GLIPR1L1: variants seen among roughly 807,000 people sequenced by gnomAD.
The protein encoded by GLIPR1L1 is GLIPR1 like 1, also known as GLIPR1-like protein 1.
GLIPR1L1 carries 26 observed loss-of-function variants against 29.9 expected under a neutral mutation model. That is an observed-to-expected ratio of 0.87 (90% CI 0.64 to 1.21). The LOEUF (loss-of-function observed/expected upper bound fraction) is 1.21, where lower values mean the gene tolerates loss of function less well. Ranked by LOEUF, GLIPR1L1 falls within the 50% of genes most tolerant of loss-of-function variation. The probability of loss-of-function intolerance (pLI) is 0.00; values close to 1 mark genes in which losing one functional copy is unlikely to be tolerated. For missense variants in GLIPR1L1, 305 were observed against 290.3 expected, an observed-to-expected ratio of 1.05 and a Z score of -0.37; for synonymous variants, 77 against 97.5, an observed-to-expected ratio of 0.79 and a Z score of 1.24.
intron 3 of GLIPR1L1, among the ~76,000 whole-genome samples, chr12:75,351,389 T>C (rs376342072): frequency 6.6e-6 from 1 of 152,100 alleles, no homozygotes; most frequent in African/African-American, 2.4e-5. Flanking sequence ...AATCATCAGA[T>C]TCTCCAAGGT....
rs1224070709 is a variant in GLIPR1L1 at position 75,369,954 on chromosome 12, C to T, written c.611-6C>T. 7.1e-6 allele frequency: 8 copies of T among 1,121,194 alleles called. No individual in the cohort carries two copies. In the Admixed American group the frequency reaches 1.3e-4, roughly 18 times the overall value. 69.5% of individuals were successfully genotyped at this position (1,121,194 alleles called of 1,614,324 possible). A position where few individuals can be genotyped will look rare whatever the true frequency, so the allele number is the denominator to read the frequency against. On this transcript the variant is annotated splice_polypyrimidine_tract_variant and splice_region_variant and intron_variant, in intron 4 of 5. Coordinates refer to ENST00000378695, the MANE Select transcript of GLIPR1L1 (RefSeq NM_001304964.2). ...TTTATAATATTAACTTTAATTTTTACTTTAGGGACTCCACAACTTATTATA... is the reference window on the plus strand; with the variant it reads ...TTTATAATATTAACTTTAATTTTTATTTTAGGGACTCCACAACTTATTATA...
At chr12:75,368,795 C>T (rs61932933) in intron 4 of GLIPR1L1, among the ~76,000 whole-genome samples, 4,601 of 151,872 alleles carry the variant, frequency 0.03, 144 homozygotes, top group African/African-American at 0.079. Context: ...GTTTAGTAGA[C>T]ATTCTCTATA....
At chr12:75,349,907 C>A (rs1246198022) in intron 3 of GLIPR1L1, among the ~76,000 whole-genome samples, 1 of 152,202 alleles carries the variant, frequency 6.6e-6, no homozygotes, top group East Asian at 1.9e-4. Context: ...AGCTGCAATA[C>A]AACTTTTAGT....
intron 3 of GLIPR1L1, among the ~76,000 whole-genome samples, chr12:75,356,017 C>T (rs1014940911): frequency 6.6e-6 from 1 of 152,060 alleles, no homozygotes; most frequent in African/African-American, 2.4e-5. Flanking sequence ...GCAAAAATAG[C>T]TAACGCATGC....
At chr12:75,354,487 C>G (rs1329957426) in intron 3 of GLIPR1L1, among the ~76,000 whole-genome samples, 1 of 151,978 alleles carries the variant, frequency 6.6e-6, no homozygotes, top group Non-Finnish European at 1.5e-5. Flanking sequence ...AGAGAAGGCA[C>G]AAACAAATGA....
At chr12:75,358,119 TA>T (rs1477548437) in intron 3 of GLIPR1L1, among the ~76,000 whole-genome samples, 4 of 151,414 alleles carry the variant, frequency 2.6e-5, no homozygotes, top group Non-Finnish European at 5.9e-5. Flanking sequence ...CAAAAAAAGA[TA>T]AAAATAATAT....
chr12:75,365,927 G>A (rs1448864260), intron 4 of GLIPR1L1, among the ~76,000 whole-genome samples: 1 of 151,888 alleles, frequency 6.6e-6, no homozygotes, highest in South Asian at 2.1e-4. Flanking sequence ...TTCTGTTTTG[G>A]GCTGGCTTTA....
intron 4 of GLIPR1L1, 47 bp from the exon 5 acceptor site, chr12:75,369,913 T>G: frequency 7.8e-7 from 1 of 1,285,064 alleles, no homozygotes; most frequent in Non-Finnish European, 1.0e-6. Context: ...AAATATGTTT[T>G]CTTGTTTTAT....
chr12:75,359,357 CTTTTTTTTTTT>C (rs61616225), intron 3 of GLIPR1L1, among the ~76,000 whole-genome samples: 2 of 28,600 alleles, frequency 7.0e-5, no homozygotes, highest in East Asian at 8.3e-4. Context: ...GCATTGTTGT[CTTTTTTTTTTT>C]TTTTTTTTTT....
chr12:75,340,041 G>GAA (rs2041997846), intron 1 of GLIPR1L1, among the ~76,000 whole-genome samples: 1 of 151,734 alleles, frequency 6.6e-6, no homozygotes, highest in Non-Finnish European at 1.5e-5. Context: ...TTAGAATAAT[G>GAA]GTCTCCAACT....
chr12:75,341,611 G>C (rs908073284), intron 1 of GLIPR1L1, among the ~76,000 whole-genome samples: 1 of 151,548 alleles, frequency 6.6e-6, no homozygotes, highest in Non-Finnish European at 1.5e-5. Context: ...CACGCCCGCA[G>C]AATTTTTTGT....
At chr12:75,369,603 A>T (rs2044223210) in intron 4 of GLIPR1L1, 1 of 984,702 alleles carries the variant, frequency 1.0e-6, no homozygotes, top group Non-Finnish European at 1.2e-6. Flanking sequence ...ATTGTTAATG[A>T]GTTCTGCATA....
intron 3 of GLIPR1L1, chr12:75,361,126 T>C (rs2043557009): frequency 6.6e-6 from 1 of 152,098 alleles, no homozygotes; most frequent in African/African-American, 2.4e-5. Context: ...GGAAAGTACC[T>C]CTTTGTGGCT....
chr12:75,368,269 T>C (rs1465001605), intron 4 of GLIPR1L1, among the ~76,000 whole-genome samples: 1 of 151,450 alleles, frequency 6.6e-6, no homozygotes, highest in East Asian at 1.9e-4. Context: ...ATTTTTTGCA[T>C]TTATTTTTAG....
intron 3 of GLIPR1L1, among the ~76,000 whole-genome samples, chr12:75,354,175 G>GA (rs1356722902): frequency 1.4e-5 from 2 of 139,086 alleles, no homozygotes; most frequent in Non-Finnish European, 3.1e-5. Flanking sequence ...AAGGGGGGGG[G>GA]GTATTCAAAT....
intron 4 of GLIPR1L1, chr12:75,369,666 T>C (rs2044228150): frequency 4.1e-6 from 4 of 984,820 alleles, no homozygotes; most frequent in Non-Finnish European, 4.8e-6. Context: ...GAATTGGGAA[T>C]GAAAGAGTGG....
At chr12:75,365,772 C>T (rs1566009693) in intron 4 of GLIPR1L1, among the ~76,000 whole-genome samples, 2 of 151,972 alleles carry the variant, frequency 1.3e-5, no homozygotes, top group African/African-American at 4.8e-5. Context: ...CATTTTTATA[C>T]CCTATGAATT....
intron 2 of GLIPR1L1, among the ~76,000 whole-genome samples, chr12:75,344,939 T>C (rs909058207): frequency 6.6e-6 from 1 of 152,156 alleles, no homozygotes; most frequent in African/African-American, 2.4e-5. Flanking sequence ...GTTTGGAAAG[T>C]GAGAATAGGT....
At chr12:75,366,343 T>C (rs902878818) in intron 4 of GLIPR1L1, among the ~76,000 whole-genome samples, 11 of 152,098 alleles carry the variant, frequency 7.2e-5, no homozygotes, top group African/African-American at 2.4e-4. Context: ...TTTGTCTCAG[T>C]AGAAAAGTAA....
Sources: gnomAD v4.1 joint callset for allele counts (sites outside exome capture counted in the v4.1 genomes callset) on GRCh38, gnomAD v4.1.1 for gene constraint, MANE v1.5 for transcripts, NCBI Gene and HGNC (gene_info 2026-07-23, HGNC 2026-07-21) for gene names.